PRMT8: variants seen among roughly 807,000 people sequenced by gnomAD.
The protein encoded by PRMT8 is protein arginine methyltransferase 8, also known as protein arginine N-methyltransferase 8.
Under a neutral mutation model 47.1 loss-of-function variants are expected in PRMT8, and 7 were observed. The ratio of observed to expected loss-of-function variants is 0.15; its 90% CI spans 0.08 to 0.28. The LOEUF is 0.28. Among genes scored for constraint, PRMT8 ranks in the 10% least tolerant of loss-of-function variants. The pLI is 1.00. For synonymous variants in PRMT8, 188 were observed against 186.5 expected (o/e 1.01, Z -0.07); for missense variants, 237 against 505.4 (o/e 0.47, Z 5.09).
intron 1 of PRMT8, among the ~76,000 whole-genome samples, chr12:3,405,340 C>G (rs573296981): frequency 6.6e-6 from 1 of 152,280 alleles, no homozygotes; most frequent in South Asian, 2.1e-4. Flanking sequence ...ATGGGAATTA[C>G]AATTCAAGAT....
chr12:3,494,096 G>T (rs1865467773), intron 1 of PRMT8, among the ~76,000 whole-genome samples: 1 of 152,192 alleles, frequency 6.6e-6, no homozygotes. Flanking sequence ...GATGAGAGCG[G>T]CAGGAGCACG....
At chr12:3,582,820 G>A (rs1408136134) in intron 7 of PRMT8, among the ~76,000 whole-genome samples, 1 of 152,054 alleles carries the variant, frequency 6.6e-6, no homozygotes, top group Non-Finnish European at 1.5e-5. Flanking sequence ...TCCGAATTCT[G>A]CTCCCCTCAG....
chr12:3,488,770 G>A (rs1865345444), upstream of PRMT8, among the ~76,000 whole-genome samples: 1 of 152,168 alleles, frequency 6.6e-6, no homozygotes, highest in African/African-American at 2.4e-5. Context: ...GGAATGGTAG[G>A]GATGCTGAGA....
chr12:3,429,923 T>C (rs1436229000), intron 1 of PRMT8, among the ~76,000 whole-genome samples: 3 of 152,202 alleles, frequency 2.0e-5, no homozygotes, highest in African/African-American at 7.2e-5. Context: ...CCTAAGGGGC[T>C]GCCTCAACTG....
chr12:3,459,575 C>G (rs1292867532), intron 1 of PRMT8, among the ~76,000 whole-genome samples: 1 of 152,180 alleles, frequency 6.6e-6, no homozygotes, highest in Non-Finnish European at 1.5e-5. Flanking sequence ...TATGCAAACA[C>G]TATGCCAAAA....
chr12:3,521,777 A>G (rs971393734), intron 1 of PRMT8, among the ~76,000 whole-genome samples: 6 of 152,208 alleles, frequency 3.9e-5, no homozygotes, highest in African/African-American at 1.4e-4. Context: ...AGACTAAAGT[A>G]TCTGCTGGTA....
intron 1 of PRMT8, among the ~76,000 whole-genome samples, chr12:3,399,255 A>T (rs1475838936): frequency 6.6e-6 from 1 of 152,190 alleles, no homozygotes; most frequent in Admixed American, 6.5e-5. Flanking sequence ...CAGGACACAG[A>T]TGCAGATGAG....
chr12:3,438,944 C>T (rs539383789), intron 1 of PRMT8, among the ~76,000 whole-genome samples: 125 of 152,260 alleles, frequency 8.2e-4, no homozygotes, highest in African/African-American at 2.8e-3. Flanking sequence ...TAACTTTCAA[C>T]AATATTTTAA....
chr12:3,463,557 G>A (rs1456676828), intron 1 of PRMT8: 1 of 152,196 alleles, frequency 6.6e-6, no homozygotes, highest in African/African-American at 2.4e-5. Context: ...CTTTTCAGCT[G>A]TGCTCTAGAA....
chr12:3,491,749 G>A (rs200934500), intron 1 of PRMT8, 49 bp downstream of exon 1: 6 of 1,530,292 alleles, frequency 3.9e-6, no homozygotes, highest in Middle Eastern at 4.0e-4. Context: ...CCGCCCACCC[G>A]GACCACCGCG....
chr12:3,586,699 T>C (rs932309326), intron 8 of PRMT8, among the ~76,000 whole-genome samples: 4 of 152,190 alleles, frequency 2.6e-5, no homozygotes, highest in Admixed American at 2.0e-4. Flanking sequence ...GTGATTGCGA[T>C]GCATGCTCCA....
In PRMT8 at chr12:3,569,415, A is replaced by G; in HGVS notation, c.625-62A>G. ...TCTGGTGACTCTATGTGCAGTTCAAAATGTGATGTCTTTGTCAGGTGAATA... is the reference window on the plus strand; with the variant it reads ...TCTGGTGACTCTATGTGCAGTTCAAGATGTGATGTCTTTGTCAGGTGAATA... On this transcript the variant is annotated intron_variant, in intron 5 of 9. Transcript: ENST00000382622. The surrounding 1 kb of genome is among the most constrained non-coding windows in gnomAD (Gnocchi z 8.2). 2 of 1,397,090 alleles carry G rather than the reference A, an allele frequency of 1.4e-6. No homozygotes were observed. The highest frequency in any genetic ancestry group is 2.0e-6 in the Non-Finnish European group (2 of 981,906). 86.5% of individuals were successfully genotyped at this position (1,397,090 alleles called of 1,614,324 possible). A position where few individuals can be genotyped will look rare whatever the true frequency, so the allele number is the denominator to read the frequency against.
Position 3,557,888 on chromosome 12 carries a change from T to C in PRMT8, c.481+4174T>C, listed in dbSNP as rs1247295341. Reference sequence around the variant, plus strand: ...GGTCCTGAGTCTCATCCCTGAGCCCTGAGAGGCTTCCAAACAGCACCTAGA... The same window carrying C: ...GGTCCTGAGTCTCATCCCTGAGCCCCGAGAGGCTTCCAAACAGCACCTAGA... On this transcript the variant is annotated intron_variant, in intron 4 of 9. Transcript: ENST00000382622. The surrounding 1 kb of genome is among the most constrained non-coding windows in gnomAD (Gnocchi z 4.7). Among the ~76,000 whole-genome samples the C allele has an allele frequency of 6.6e-6, 1 of 152,038 alleles. No homozygotes were observed. Among genetic ancestry groups the C allele is most frequent in the East Asian group, 1.9e-4 (1 of 5,170 alleles).
intron 4 of PRMT8, among the ~76,000 whole-genome samples, chr12:3,555,344 A>G (rs1866506655): frequency 6.6e-6 from 1 of 152,160 alleles, no homozygotes; most frequent in Non-Finnish European, 1.5e-5. Flanking sequence ...AATTTGAATG[A>G]CAGAAAGGAG....
chr12:3,449,817 A>G (rs1330002817), intron 1 of PRMT8, among the ~76,000 whole-genome samples: 1 of 152,086 alleles, frequency 6.6e-6, no homozygotes, highest in Non-Finnish European at 1.5e-5. Flanking sequence ...CTGTGTCCTG[A>G]ATGGTGTTGC....
intron 1 of PRMT8, among the ~76,000 whole-genome samples, chr12:3,506,122 C>T (rs1865620127): frequency 6.6e-6 from 1 of 152,194 alleles, no homozygotes; most frequent in African/African-American, 2.4e-5. Flanking sequence ...TGGGTTCAAG[C>T]TCAGCTCTGC....
chr12:3,398,567 A>G (rs957542041), intron 1 of PRMT8, among the ~76,000 whole-genome samples: 1 of 152,220 alleles, frequency 6.6e-6, no homozygotes, highest in Admixed American at 6.5e-5. Context: ...CCTCAGGTGC[A>G]TTCCAGTAGG....
chr12:3,434,684 G>A (rs1051850936), intron 1 of PRMT8, among the ~76,000 whole-genome samples: 8 of 152,130 alleles, frequency 5.3e-5, no homozygotes, highest in South Asian at 2.1e-4. Flanking sequence ...CAGGTGTTCC[G>A]TGTGTGTTGG....
At chr12:3,399,671 G>T (rs1348541353) in intron 1 of PRMT8, among the ~76,000 whole-genome samples, 1 of 152,144 alleles carries the variant, frequency 6.6e-6, no homozygotes, top group Admixed American at 6.6e-5. Context: ...AACCATTACA[G>T]CATCTCCTCC....
Sources: allele counts gnomAD v4.1 joint callset (sites outside exome capture counted in the v4.1 genomes callset), GRCh38; gene constraint gnomAD v4.1.1; non-coding constraint Gnocchi (gnomAD v3.1); transcripts MANE v1.5; gene names NCBI Gene and HGNC (gene_info 2026-07-23, HGNC 2026-07-21).